GPR139: variants seen among roughly 807,000 people sequenced by gnomAD.
GPR139 encodes the protein probable G protein-coupled receptor 139.
GPR139 carries 12 observed loss-of-function variants against 25.8 expected under a neutral mutation model. That is an observed-to-expected ratio of 0.47 (90% CI 0.30 to 0.75). The LOEUF (loss-of-function observed/expected upper bound fraction) is 0.75. Ranked by LOEUF, GPR139 falls within the 30% of genes least tolerant of loss-of-function variation. The probability of loss-of-function intolerance (pLI) is 0.07; values close to 1 mark genes in which losing one functional copy is unlikely to be tolerated. For synonymous variants in GPR139, 184 were observed against 179.9 expected, an observed-to-expected ratio of 1.02 and a Z score of -0.18; for missense variants, 380 against 450.2, an observed-to-expected ratio of 0.84 and a Z score of 1.41.
intron 1 of GPR139, among the ~76,000 whole-genome samples, chr16:20,058,008 T>C (rs765890790): frequency 4.6e-5 from 7 of 152,168 alleles, no homozygotes; most frequent in Non-Finnish European, 7.3e-5. Context: ...TGAAACCTGG[T>C]CCTTGATAAT....
chr16:20,041,110 A>G (rs1401716429), intron 1 of GPR139, among the ~76,000 whole-genome samples: 2 of 81,538 alleles, frequency 2.5e-5, no homozygotes, highest in African/African-American at 7.4e-5. Flanking sequence ...ACTCTGACCC[A>G]GAAAGGAAAG....
intron 1 of GPR139, among the ~76,000 whole-genome samples, chr16:20,056,504 A>G (rs2057388845): frequency 6.6e-6 from 1 of 152,142 alleles, no homozygotes; most frequent in Admixed American, 6.5e-5. Context: ...TGGGTTTGAG[A>G]TCCAAGAATG....
rs2057465202 is a variant in GPR139, at chr16:20,073,007, C to T, written c.127+483G>A. 6.6e-6 allele frequency among the ~76,000 whole-genome samples: 1 copy of T among 152,180 alleles called. No individual in the cohort carries two copies. The highest frequency in any genetic ancestry group is 6.5e-5 in the Admixed American group (1 of 15,280). ...GAGTGCTCAATGTCAGGGTCTCCAG[C>T]TTCATCTCGTGTCAGGCGGGGACAC... On this transcript the variant is annotated intron_variant, in intron 1 of 1. Transcript: ENST00000570682. The surrounding 1 kb of genome is among the most constrained non-coding windows in gnomAD (Gnocchi z 4.7).
At chr16:20,041,010 A>G (rs2057327896) in intron 1 of GPR139, among the ~76,000 whole-genome samples, 2 of 151,308 alleles carry the variant, frequency 1.3e-5, no homozygotes, top group Admixed American at 1.3e-4. Flanking sequence ...GTGACTTAAA[A>G]GCATCTCTCC....
intron 1 of GPR139, among the ~76,000 whole-genome samples, chr16:20,070,167 T>TA (rs1596472655): frequency 6.6e-6 from 1 of 152,204 alleles, no homozygotes; most frequent in East Asian, 1.9e-4. Flanking sequence ...CGACAGTAGA[T>TA]AAGATGCTTC....
chr16:20,045,062 C>A (rs2057349737), intron 1 of GPR139, among the ~76,000 whole-genome samples: 1 of 141,528 alleles, frequency 7.1e-6, no homozygotes, highest in Non-Finnish European at 1.5e-5. Flanking sequence ...AGCAGTGGTG[C>A]AATCGCGGCT....
chr16:20,048,594 G>C (rs987931502), intron 1 of GPR139, among the ~76,000 whole-genome samples: 3 of 152,314 alleles, frequency 2.0e-5, no homozygotes, highest in African/African-American at 7.2e-5. Context: ...GCAGGATATC[G>C]CATGCCCCAT....
At position 20,028,332 on chromosome 16, in the gene GPR139, C is replaced by A. The variant is rs998432133; in HGVS notation, c.*3403G>T. Among the ~76,000 whole-genome samples, 4 of 152,064 alleles carry A rather than the reference C, an allele frequency of 2.6e-5. No individual in the cohort carries two copies. Among genetic ancestry groups the A allele is most frequent in the African/African-American group, 9.7e-5 (4 of 41,382 alleles). ...ATAAATGTATACAATTATGATTTAT[C>A]AATTAAAAATAATAGTAATAAAAAT... On this transcript the variant is annotated 3_prime_UTR_variant, in exon 2 of 2. Transcript: ENST00000570682.
chr16:20,038,650 A>G (rs544712894), intron 1 of GPR139, among the ~76,000 whole-genome samples: 3 of 152,250 alleles, frequency 2.0e-5, no homozygotes, highest in Non-Finnish European at 1.5e-5. Context: ...CCCAGGCAAC[A>G]TCAGGAACAT....
chr16:20,054,750 CAG>C (rs1030479929), intron 1 of GPR139, among the ~76,000 whole-genome samples: 2 of 151,294 alleles, frequency 1.3e-5, no homozygotes, highest in African/African-American at 4.9e-5. Flanking sequence ...TTTATTTTGG[CAG>C]AGTTTTGCTC....
chr16:20,047,643 G>T (rs2057358868), intron 1 of GPR139, among the ~76,000 whole-genome samples: 1 of 152,160 alleles, frequency 6.6e-6, no homozygotes, highest in Non-Finnish European at 1.5e-5. Flanking sequence ...CATACCCAGG[G>T]TTCCATGGCA....
intron 1 of GPR139, among the ~76,000 whole-genome samples, chr16:20,049,403 T>G (rs1285331767): frequency 6.6e-6 from 1 of 152,226 alleles, no homozygotes; most frequent in Admixed American, 6.5e-5. Flanking sequence ...CTCCTTTCTG[T>G]TACCTTCTAT....
intron 1 of GPR139, among the ~76,000 whole-genome samples, chr16:20,043,235 G>C (rs1057303420): frequency 1.3e-5 from 2 of 152,146 alleles, no homozygotes; most frequent in East Asian, 1.9e-4. Context: ...CAGCAGAATT[G>C]GTTCTGGCTT....
intron 1 of GPR139, among the ~76,000 whole-genome samples, chr16:20,050,793 G>T (rs534167010): frequency 6.6e-6 from 1 of 152,336 alleles, no homozygotes; most frequent in African/African-American, 2.4e-5. Flanking sequence ...CAAGTGCAGT[G>T]GCTCATGCCT....
intron 1 of GPR139, among the ~76,000 whole-genome samples, chr16:20,056,391 G>A (rs1041918474): frequency 4.6e-5 from 7 of 152,170 alleles, no homozygotes; most frequent in African/African-American, 1.7e-4. Context: ...ATTTACAAAC[G>A]AAAGAACAAT....
rs769475571 is a variant in GPR139, at chr16:20,032,589, C to T, written c.208G>A (p.Ala70Thr). The T allele has an allele frequency of 1.9e-6, 3 of 1,614,080 alleles. No homozygotes were observed. The highest frequency in any genetic ancestry group is 2.5e-6 in the Non-Finnish European group (3 of 1,179,974). Residue 70 changes from alanine to threonine, a missense_variant, in exon 2 of 2, where the codon GCT becomes ACT. By Grantham distance (58) the Ala-to-Thr change is moderately conservative (BLOSUM62 0). Coordinates refer to ENST00000570682, the MANE Select transcript of GPR139 (RefSeq NM_001002911.4). The stretch of plus-strand genomic sequence containing the variant: ...AAGAGGACCAAGATGTCGGCAGCAG[C>T]GAGTGCCAAGAGATAGTTGTAGGAG... ...KSSYNYLLALAAADILVLFFI... is the reference protein window; with the variant it reads ...KSSYNYLLALTAADILVLFFI...
chr16:20,073,252 TCACA>T lies in GPR139; in HGVS notation c.127+234_127+237del, dbSNP rs71146300. ...AGCCCATCGCCCGCCGTCACAGTCA[TCACA>T]CACACACACACACACACACACACGC... is the stretch of plus-strand genomic sequence containing the variant. On this transcript the variant is annotated intron_variant, in intron 1 of 1. Transcript: ENST00000570682. The surrounding 1 kb of genome is among the most constrained non-coding windows in gnomAD (Gnocchi z 4.7). Among the ~76,000 whole-genome samples the T allele has an allele frequency of 0.33, 49,149 of 146,988 alleles. 8,672 individuals carry two copies. The highest frequency in any genetic ancestry group is 0.51 in the East Asian group (2,431 of 4,784).
At chr16:20,033,054 G>A (rs1347216432) in intron 1 of GPR139, among the ~76,000 whole-genome samples, 1 of 150,292 alleles carries the variant, frequency 6.7e-6, no homozygotes, top group Non-Finnish European at 1.5e-5. Flanking sequence ...TCACACAACC[G>A]TGAGAGGCGA....
rs1221040359 is a variant in GPR139, at chr16:20,029,986, T to C, written c.*1749A>G. ...AGGTAACTTTGGCTCTGTAAGGTTT[T>C]ATCTTTTGCACTGACTTTAGAATCT... On this transcript the variant is annotated 3_prime_UTR_variant, in exon 2 of 2. Transcript: ENST00000570682. 2.6e-5 allele frequency among the ~76,000 whole-genome samples: 4 copies of C among 152,196 alleles called. No homozygotes were observed. The highest frequency in any genetic ancestry group is 6.5e-5 in the Admixed American group (1 of 15,284).
Sources: allele counts gnomAD v4.1 joint callset (sites outside exome capture counted in the v4.1 genomes callset), GRCh38; gene constraint gnomAD v4.1.1; non-coding constraint Gnocchi (gnomAD v3.1); transcripts MANE v1.5; gene names NCBI Gene and HGNC (gene_info 2026-07-23, HGNC 2026-07-21).